SNAP91: variants seen among roughly 807,000 people sequenced by gnomAD.
The protein encoded by SNAP91 is clathrin coat assembly protein AP180.
In SNAP91, 27 loss-of-function variants were observed where a neutral mutation model predicts 100.3. That is an observed-to-expected ratio of 0.27 (90% confidence interval 0.20 to 0.37). The LOEUF (loss-of-function observed/expected upper bound fraction) is 0.37. SNAP91 is among the 10% of genes least tolerant of loss of function. The pLI is 1.00. For missense variants in SNAP91, 986 were observed against 1,123.7 expected (o/e 0.88, Z 1.75); for synonymous variants, 404 against 398.6 (o/e 1.01, Z -0.16).
chr6:83,591,227 C>T lies in SNAP91; in HGVS notation c.1998G>A (p.Ser666=), dbSNP rs45610234. The T allele has an allele frequency of 2.6e-4, 415 of 1,609,716 alleles. No individual in the cohort carries two copies. The highest frequency in any genetic ancestry group is 3.3e-4 in the Non-Finnish European group (392 of 1,176,424). Residue 666 remains serine, a synonymous_variant, in exon 22 of 30, where the codon TCG becomes TCA. Coordinates refer to ENST00000369694, the MANE Select transcript of SNAP91 (RefSeq NM_001242792.2). Reference sequence around the variant, plus strand: ...TTTAATTACCAGCTAGTAGGTCTGCCGATGCTGATGAACTAGAAGCAGCCT... The same window carrying T: ...TTTAATTACCAGCTAGTAGGTCTGCTGATGCTGATGAACTAGAAGCAGCCT... ...ASQAASSSSA[S]ADLLAGFGGS...
At chr6:83,697,757 T>C (rs1021444793) in intron 2 of SNAP91, among the ~76,000 whole-genome samples, 1 of 152,188 alleles carries the variant, frequency 6.6e-6, no homozygotes, top group Non-Finnish European at 1.5e-5. Flanking sequence ...CGAAGTTTAT[T>C]GGGTAAAAGT....
At chr6:83,650,250 G>A (rs1275219371) in intron 7 of SNAP91, among the ~76,000 whole-genome samples, 8 of 151,990 alleles carry the variant, frequency 5.3e-5, no homozygotes, top group African/African-American at 7.2e-5. Flanking sequence ...TAAAATCTTC[G>A]GACATTAATG....
chr6:83,583,458 C>A (rs1045467038), intron 22 of SNAP91, among the ~76,000 whole-genome samples: 3 of 152,142 alleles, frequency 2.0e-5, no homozygotes, highest in African/African-American at 7.2e-5. Flanking sequence ...AGTAATCCAA[C>A]CTCAGATTAA....
In SNAP91 at chr6:83,592,888, C is replaced by T. The variant is rs1290543478; in HGVS notation, c.1846+58G>A. On this transcript the variant is annotated intron_variant, in intron 20 of 29. Coordinates refer to ENST00000369694, the MANE Select transcript of SNAP91 (RefSeq NM_001242792.2). ...AAAAACCCACATGTTATATCCTTCT[C>T]TCTATGCATTACTTCCACAAGACAT... is the stretch of plus-strand genomic sequence containing the variant. 2.4e-6 allele frequency: 3 copies of T among 1,251,088 alleles called. No individual in the cohort carries two copies. The South Asian group carries it at 3.9e-5, about 16-fold the overall frequency. 77.5% of individuals were successfully genotyped at this position (1,251,088 alleles called of 1,614,324 possible). A position where few individuals can be genotyped will look rare whatever the true frequency, so the allele number is the denominator to read the frequency against.
chr6:83,645,000 T>A (rs2097858913), intron 7 of SNAP91, among the ~76,000 whole-genome samples: 1 of 152,266 alleles, frequency 6.6e-6, no homozygotes, highest in South Asian at 2.1e-4. Flanking sequence ...ATTCCCAAAC[T>A]AAAGTCCCCA....
chr6:83,612,799 G>T (rs1022989690), intron 11 of SNAP91, among the ~76,000 whole-genome samples: 1 of 150,398 alleles, frequency 6.6e-6, no homozygotes, highest in South Asian at 2.1e-4. Flanking sequence ...GCTGAGGCAG[G>T]AGAATCGCTT....
intron 7 of SNAP91, among the ~76,000 whole-genome samples, chr6:83,650,442 G>A (rs2098149302): frequency 2.0e-5 from 3 of 151,972 alleles, no homozygotes; most frequent in Admixed American, 2.0e-4. Flanking sequence ...TTTTTGAGAT[G>A]GAGTCTCACT....
intron 28 of SNAP91, among the ~76,000 whole-genome samples, chr6:83,556,799 G>C (rs185521107): frequency 7.1e-4 from 108 of 152,200 alleles, no homozygotes; most frequent in African/African-American, 2.0e-3. Context: ...AATAGGAAAC[G>C]GTTTGCAGAA....
chr6:83,640,782 T>C (rs553229450), intron 8 of SNAP91, among the ~76,000 whole-genome samples: 2 of 152,224 alleles, frequency 1.3e-5, no homozygotes, highest in African/African-American at 4.8e-5. Context: ...TTTCTAACAA[T>C]TAAAGATAGC....
intron 2 of SNAP91, among the ~76,000 whole-genome samples, chr6:83,697,344 A>C (rs2099230069): frequency 6.6e-6 from 1 of 151,600 alleles, no homozygotes; most frequent in Admixed American, 6.6e-5. Context: ...ACACACACAC[A>C]CACACACACA....
intron 14 of SNAP91, among the ~76,000 whole-genome samples, chr6:83,605,418 A>G (rs1740081190): frequency 6.6e-6 from 1 of 152,172 alleles, no homozygotes; most frequent in Non-Finnish European, 1.5e-5. Flanking sequence ...AAAAAGAACA[A>G]CAAAAAACCC....
At chr6:83,657,450 A>C (rs969673520) in intron 6 of SNAP91, among the ~76,000 whole-genome samples, 4 of 152,214 alleles carry the variant, frequency 2.6e-5, no homozygotes, top group Non-Finnish European at 5.9e-5. Flanking sequence ...AAGGTCAAGG[A>C]AAGTAAAGAA....
chr6:83,628,444 A>T (rs540449152), intron 8 of SNAP91, among the ~76,000 whole-genome samples: 1 of 151,620 alleles, frequency 6.6e-6, no homozygotes, highest in East Asian at 1.9e-4. Context: ...ATTGTTTTCC[A>T]TAGTGGCTGT....
At position 83,605,690 on chromosome 6, in the gene SNAP91, C is replaced by A; in HGVS notation, c.1136G>T (p.Trp379Leu). ...GGTTGTCTGGTTTTACTCACCTCCC[C>A]ATGCAGTGGCTCCTCCAGCAGGTGG... The part of the protein sequence containing the change: ...PPPPAGGATA[W>L]GDLLGEDSLA... The change falls in exon 14 of 30, where the codon TGG (tryptophan) becomes TTG (leucine). Residue 379 changes from tryptophan (W) to leucine (L), a missense_variant. Physicochemically the swap from Trp to Leu is moderately conservative, Grantham distance 61. Around this residue, in one of 4 missense-constraint regions of SNAP91, gnomAD observed 575 missense variants for 579.9 expected, o/e 0.99. Coordinates refer to ENST00000369694, the MANE Select transcript of SNAP91 (RefSeq NM_001242792.2). 6.4e-7 allele frequency: 1 copy of A among 1,551,820 alleles called. No individual in the cohort carries two copies. The highest frequency in any genetic ancestry group is 1.2e-5 in the South Asian group (1 of 84,006).
rs780899588 is a variant in SNAP91 at position 83,665,443 on chromosome 6, T to C, written c.269A>G (p.Asn90Ser). 1.9e-6 allele frequency: 3 copies of C among 1,610,732 alleles called. No individual in the cohort carries two copies. Among genetic ancestry groups the C allele is most frequent in the African/African-American group, 2.7e-5 (2 of 74,678 alleles). ...AGAAAAGTTTACTTAGTTTACCTCA[T>C]TTCCATGCACCATGAGATGATGTGT... ...VTTHHLMVHG[N>S]ERFIQYLASR... Residue 90 changes from asparagine to serine, a missense_variant, in exon 3 of 30, where the codon AAT (asparagine) becomes AGT (serine). By Grantham distance (46) the Asn-to-Ser change is conservative. Transcript: ENST00000369694.
chr6:83,681,301 T>C (rs373766330), intron 2 of SNAP91, among the ~76,000 whole-genome samples: 10 of 152,146 alleles, frequency 6.6e-5, no homozygotes, highest in Admixed American at 2.0e-4. Flanking sequence ...CCAGATAGCA[T>C]TGGCCTGAAC....
At chr6:83,647,076 G>GA (rs1203485333) in intron 7 of SNAP91, among the ~76,000 whole-genome samples, 3 of 98,100 alleles carry the variant, frequency 3.1e-5, no homozygotes, top group Non-Finnish European at 6.2e-5. Context: ...TTAGTTCCAG[G>GA]AGTTTTTTTT....
intron 7 of SNAP91, among the ~76,000 whole-genome samples, chr6:83,647,420 T>G (rs1385469554): frequency 6.6e-6 from 1 of 152,186 alleles, no homozygotes; most frequent in Non-Finnish European, 1.5e-5. Context: ...TTGGATTTCA[T>G]CAAATGTTTT....
intron 22 of SNAP91, among the ~76,000 whole-genome samples, chr6:83,585,538 A>AC (rs2092346091): frequency 2.8e-5 from 2 of 72,442 alleles, no homozygotes; most frequent in South Asian, 6.0e-4. Flanking sequence ...CTTAAAAAAA[A>AC]AAAAAAAAGA....
Sources: gnomAD v4.1 joint callset for allele counts (sites outside exome capture counted in the v4.1 genomes callset) on GRCh38, gnomAD v4.1.1 for gene constraint, gnomAD v4.1.1 regional missense constraint, MANE v1.5 for transcripts, NCBI Gene and HGNC (gene_info 2026-07-23, HGNC 2026-07-21) for gene names.